MAP4K3: variants seen among roughly 807,000 people sequenced by gnomAD.
MAP4K3 encodes MAPK/ERK kinase kinase kinase 3.
Under a neutral mutation model 143.5 loss-of-function variants are expected in MAP4K3, and 94 were observed. That is an observed-to-expected ratio of 0.65 (90% CI 0.55 to 0.78). The LOEUF (loss-of-function observed/expected upper bound fraction) is 0.78, where lower values mean the gene tolerates loss of function less well. Ranked by LOEUF, MAP4K3 falls within the 30% of genes least tolerant of loss-of-function variation. The pLI, the probability that MAP4K3 is intolerant of heterozygous loss-of-function variation, is 0.00. For missense variants in MAP4K3, 1,077 were observed against 1,068.1 expected, an observed-to-expected ratio of 1.01 and a Z score of -0.12; for synonymous variants, 416 against 347.2, an observed-to-expected ratio of 1.20 and a Z score of -2.20.
chr2:39,286,243 T>G (rs766314619), intron 21 of MAP4K3, among the ~76,000 whole-genome samples: 25 of 152,190 alleles, frequency 1.6e-4, no homozygotes, highest in Non-Finnish European at 3.5e-4. Flanking sequence ...CATGCACACT[T>G]CACAACAGGG....
chr2:39,352,462 T>C (rs892987929), intron 3 of MAP4K3, among the ~76,000 whole-genome samples: 1 of 152,184 alleles, frequency 6.6e-6, no homozygotes, highest in Admixed American at 6.5e-5. Context: ...TTAAAAGAAG[T>C]AATAGTTAAG....
chr2:39,340,025 G>C (rs564529052), intron 4 of MAP4K3, among the ~76,000 whole-genome samples: 1 of 148,982 alleles, frequency 6.7e-6, no homozygotes, highest in South Asian at 2.1e-4. Flanking sequence ...ATGGAAAATA[G>C]AAAAAAATCC....
intron 1 of MAP4K3, chr2:39,379,615 G>C (rs1464753496): frequency 6.4e-6 from 1 of 156,562 alleles, no homozygotes; most frequent in Non-Finnish European, 1.5e-5. Context: ...TAGTCATAAA[G>C]CTTTTCAAGC....
chr2:39,381,303 C>A (rs952112849), intron 1 of MAP4K3, among the ~76,000 whole-genome samples: 1 of 152,160 alleles, frequency 6.6e-6, no homozygotes, highest in Non-Finnish European at 1.5e-5. Flanking sequence ...CTTTGGAGAA[C>A]TGTCTATTCA....
intron 1 of MAP4K3, among the ~76,000 whole-genome samples, chr2:39,394,507 T>C (rs575042109): frequency 2.0e-5 from 3 of 152,292 alleles, no homozygotes; most frequent in South Asian, 2.1e-4. Flanking sequence ...CAAGAATAAA[T>C]AGCTATGTTT....
In MAP4K3 at chr2:39,326,149, A is replaced by G. The variant is rs1423435448; in HGVS notation, c.659T>C (p.Met220Thr). 1 of 1,613,100 alleles carries G rather than the reference A, an allele frequency of 6.2e-7. No homozygotes were observed. The highest frequency in any genetic ancestry group is 2.2e-5 in the East Asian group (1 of 44,870). ...LQPPMFDLHP[M>T]RALFLMTKSN... ...TCTTCAATGATGATGCACTGACCTC[A>G]TTGGGTGTAAGTCAAACATAGGAGG... Residue 220 changes from methionine (M) to threonine (T), a missense_variant, in exon 9 of 34, where the codon ATG becomes ACG. Coordinates refer to ENST00000263881, the MANE Select transcript of MAP4K3 (RefSeq NM_003618.4).
chr2:39,402,941 T>G (rs373976732), intron 1 of MAP4K3, among the ~76,000 whole-genome samples: 2 of 152,140 alleles, frequency 1.3e-5, no homozygotes, highest in Admixed American at 1.3e-4. Flanking sequence ...GCCATTAAAT[T>G]TCAACTTGGA....
chr2:39,270,100 A>T (rs1314642082), intron 26 of MAP4K3, among the ~76,000 whole-genome samples: 1 of 152,224 alleles, frequency 6.6e-6, no homozygotes, highest in African/African-American at 2.4e-5. Flanking sequence ...CCCAAAGCTA[A>T]CTTAGGGGTT....
intron 6 of MAP4K3, among the ~76,000 whole-genome samples, chr2:39,335,166 T>C (rs1284573450): frequency 6.6e-6 from 1 of 152,152 alleles, no homozygotes; most frequent in African/African-American, 2.4e-5. Context: ...ACGTATAACC[T>C]TGCAGGTCAT....
chr2:39,326,426 C>T (rs750147477), intron 8 of MAP4K3, 149 bp from the exon 9 acceptor site: 98 of 707,304 alleles, frequency 1.4e-4, no homozygotes, highest in Non-Finnish European at 2.0e-4. Context: ...CTTAAAAGGT[C>T]CACCTTTTCC....
intron 16 of MAP4K3, among the ~76,000 whole-genome samples, chr2:39,295,204 C>T (rs1367448001): frequency 6.6e-6 from 1 of 151,972 alleles, no homozygotes; most frequent in Non-Finnish European, 1.5e-5. Context: ...TTATTCACTG[C>T]CTCTGAGTCT....
intron 1 of MAP4K3, among the ~76,000 whole-genome samples, chr2:39,385,987 G>A (rs1052011878): frequency 3.9e-5 from 6 of 151,948 alleles, no homozygotes; most frequent in African/African-American, 1.5e-4. Flanking sequence ...AGTGTTTTTT[G>A]CAGAATTTAT....
intron 2 of MAP4K3, among the ~76,000 whole-genome samples, chr2:39,364,389 T>C (rs1665861988): frequency 6.6e-6 from 1 of 152,236 alleles, no homozygotes; most frequent in Non-Finnish European, 1.5e-5. Flanking sequence ...AGAGAATAGG[T>C]ATCATGTGAC....
rs576449333 is a variant in MAP4K3 at position 39,295,426 on chromosome 2, A to G, written c.1179-2158T>C. On this transcript the variant is annotated intron_variant, in intron 16 of 33. Transcript: ENST00000263881. ...ATTGATAGTTATAACCCCCATAAACAAAAGCTCTTTGGAATCCTCAATAAT... is the reference window on the plus strand; with the variant it reads ...ATTGATAGTTATAACCCCCATAAACGAAAGCTCTTTGGAATCCTCAATAAT... Among the ~76,000 whole-genome samples, 94 of 152,160 alleles carry G rather than the reference A, an allele frequency of 6.2e-4. 1 individual carries two copies. In the South Asian group the frequency reaches 7.9e-3, roughly 13 times the overall value.
At chr2:39,258,688 G>A (rs899902782) in intron 29 of MAP4K3, 101 bp from the exon 30 acceptor site, 30 of 859,252 alleles carry the variant, frequency 3.5e-5, no homozygotes, top group African/African-American at 1.0e-4. Flanking sequence ...TACTTGAAAC[G>A]GATATGTCTT....
At chr2:39,415,994 T>TATATATAC (rs1667365786) in intron 1 of MAP4K3, among the ~76,000 whole-genome samples, 2 of 89,512 alleles carry the variant, frequency 2.2e-5, no homozygotes, top group Non-Finnish European at 4.3e-5. Flanking sequence ...TATATATATA[T>TATATATAC]ATATATATAT....
chr2:39,419,660 T>A (rs1372449701), intron 1 of MAP4K3, among the ~76,000 whole-genome samples: 1 of 152,230 alleles, frequency 6.6e-6, no homozygotes, highest in African/African-American at 2.4e-5. Context: ...CTTCTATGAT[T>A]AGCAGATCCT....
At chr2:39,405,008 G>C (rs1360778797) in intron 1 of MAP4K3, among the ~76,000 whole-genome samples, 1 of 152,204 alleles carries the variant, frequency 6.6e-6, no homozygotes, top group Non-Finnish European at 1.5e-5. Context: ...TCAACCTGAA[G>C]GGAAGGACAC....
chr2:39,297,525 G>A (rs1399377867), intron 16 of MAP4K3, among the ~76,000 whole-genome samples: 2 of 152,144 alleles, frequency 1.3e-5, no homozygotes, highest in Non-Finnish European at 2.9e-5. Context: ...GCAAGTATAA[G>A]TCAAAGTACA....
Sources: gnomAD v4.1 joint callset for allele counts (sites outside exome capture counted in the v4.1 genomes callset) on GRCh38, gnomAD v4.1.1 for gene constraint, MANE v1.5 for transcripts, NCBI Gene and HGNC (gene_info 2026-07-23, HGNC 2026-07-21) for gene names.